The following NKPD1 variants were observed in gnomAD, a reference collection of about 807,000 sequenced individuals.
NKPD1 encodes NTPase KAP family P-loop domain containing 1.
In NKPD1, 37 loss-of-function variants were observed where a neutral mutation model predicts 42.2. The observed-to-expected ratio is 0.88, with a 90% CI of 0.67 to 1.15. NKPD1 has a LOEUF of 1.15. Among genes scored for constraint, NKPD1 ranks in the 50% most tolerant of loss-of-function variants. NKPD1 has a pLI of 0.00. For missense variants in NKPD1, 1,113 were observed against 1,174.6 expected, an observed-to-expected ratio of 0.95 and a Z score of 0.77; for synonymous variants, 552 against 536.5, an observed-to-expected ratio of 1.03 and a Z score of -0.40.
chr19:45,153,083 G>A lies in NKPD1; in HGVS notation c.1354C>T (p.Leu452=), dbSNP rs1968825917. 1 of 1,575,972 alleles carries A rather than the reference G, an allele frequency of 6.3e-7. No homozygotes were observed. Among genetic ancestry groups the A allele is most frequent in the Non-Finnish European group, 8.6e-7 (1 of 1,161,344 alleles). ...CFLEIYQRRR[L]RVVLEVTGLD... ...CCGGTGACCTCCAGCACCACGCGCAGCCTGCGCCGCTGGTAGATCTCCAGG... is the reference window on the plus strand; with the variant it reads ...CCGGTGACCTCCAGCACCACGCGCAACCTGCGCCGCTGGTAGATCTCCAGG... Residue 452 remains leucine, a synonymous_variant, in exon 5 of 5, where the codon CTG becomes TTG. Transcript: ENST00000686631.
In NKPD1 at chr19:45,151,821, G is replaced by T; in HGVS notation, c.*117C>A. On this transcript the variant is annotated 3_prime_UTR_variant, in exon 5 of 5. Transcript: ENST00000686631. ...GGCTCTGGCTCAGGTTCACCTGGGG[G>T]TGTGGGCCTCACAGGGCTCATTCGG... 3.6e-6 allele frequency: 4 copies of T among 1,121,212 alleles called. No individual in the cohort carries two copies. The highest frequency in any genetic ancestry group is 1.9e-5 in the South Asian group (1 of 52,886). 69.5% of individuals were successfully genotyped at this position (1,121,212 alleles called of 1,614,324 possible).
chr19:45,153,880 A>T, intron 4 of NKPD1, 105 bp from the exon 5 acceptor site: 1 of 1,169,950 alleles, frequency 8.5e-7, no homozygotes, highest in South Asian at 2.1e-5. Context: ...AGGGGCGCCC[A>T]GCAGAGGCGA....
At chr19:45,157,142 A>G (rs930516313) in intron 3 of NKPD1, among the ~76,000 whole-genome samples, 2 of 152,100 alleles carry the variant, frequency 1.3e-5, no homozygotes, top group African/African-American at 4.8e-5. Context: ...GATTTTTGCA[A>G]TCTCCTGCTC....
In NKPD1 at chr19:45,160,106, G is replaced by T. The variant is rs1464308471; in HGVS notation, c.45C>A (p.Ser15Arg). 1 of 1,304,992 alleles carries T rather than the reference G, an allele frequency of 7.7e-7. No individual in the cohort carries two copies. The highest frequency in any genetic ancestry group is 1.0e-6 in the Non-Finnish European group (1 of 988,726). The allele number at this position is 1,304,992 out of a possible 1,614,324, so 80.8% of individuals were successfully genotyped here. The change falls in exon 2 of 5, where the codon AGC becomes AGA. Residue 15 changes from serine (S) to arginine (R), a missense_variant. Physicochemically the swap from Ser to Arg is moderately radical, Grantham distance 110 (BLOSUM62 -1). Around this residue, in one of 3 missense-constraint regions of NKPD1, gnomAD observed 204 missense variants for 227.8 expected, o/e 0.90. Transcript: ENST00000686631. The part of the protein sequence containing the change: ...YKVHFAKDAQ[S>R]PNGHYFWDPE... ...GGTCCCAGAAGTAGTGCCCGTTGGG[G>T]CTCTGGGCATCCTTGGCGAAGTGGA...
intron 1 of NKPD1, among the ~76,000 whole-genome samples, chr19:45,160,690 G>A (rs1968988685): frequency 2.0e-5 from 3 of 152,202 alleles, no homozygotes; most frequent in Admixed American, 6.5e-5. Flanking sequence ...ATACGGTGGA[G>A]GGGGAATTGT....
At chr19:45,155,751 A>G in intron 4 of NKPD1, 34 bp downstream of exon 4, 1 of 1,283,286 alleles carries the variant, frequency 7.8e-7, no homozygotes, top group Non-Finnish European at 1.0e-6. Context: ...CCTGTTTCTC[A>G]TCCTCCCCCC....
chr19:45,162,141 A>C (rs540358672), upstream of NKPD1, among the ~76,000 whole-genome samples: 253 of 152,190 alleles, frequency 1.7e-3, 2 homozygotes, highest in African/African-American at 5.6e-3. Context: ...GCGTGGCCCA[A>C]TGTAAATGAG....
Position 45,153,207 on chromosome 19 carries a change from C to T in NKPD1, c.1230G>A (p.Lys410=), listed in dbSNP as rs1333552337. 8.2e-6 allele frequency: 13 copies of T among 1,593,846 alleles called. No homozygotes were observed. The Admixed American group carries it at 2.1e-4, about 26-fold the overall frequency. Residue 410 remains lysine, a synonymous_variant, in exon 5 of 5, where the codon AAG becomes AAA. Coordinates refer to ENST00000686631, the MANE Select transcript of NKPD1 (RefSeq NM_198478.4). Reference sequence around the variant, plus strand: ...TTTCACGCGACACCAGCCGCTCGATCTTCTTGCGCTGGCTTACGAACAGGT... The same window carrying T: ...TTTCACGCGACACCAGCCGCTCGATTTTCTTGCGCTGGCTTACGAACAGGT... ...GKHLFVSQRK[K]IERLVSREKF...
intron 4 of NKPD1, 147 bp from the exon 5 acceptor site, chr19:45,153,922 A>C (rs1968853591): frequency 9.2e-6 from 7 of 764,748 alleles, no homozygotes; most frequent in Non-Finnish European, 1.3e-5. Flanking sequence ...CCGCTCCTTA[A>C]AGAGCTGGAA....
chr19:45,152,636 G>A lies in NKPD1; in HGVS notation c.1801C>T (p.Leu601Phe), dbSNP rs1397799206. The change falls in exon 5 of 5, where the codon CTC becomes TTC. Residue 601 changes from leucine to phenylalanine, a missense_variant. Transcript: ENST00000686631. ...TCGCGCTCGTCGTGAAGGCAGAAGA[G>A]CGCCTCCTGGATTCGCCGCGCCGCC... The part of the protein sequence containing the change: ...DEAARRIQEA[L>F]FCLHDERDCL... 1.9e-6 allele frequency: 3 copies of A among 1,565,584 alleles called. No individual in the cohort carries two copies. In the East Asian group the frequency reaches 7.2e-5, roughly 38 times the overall value.
rs1056862550 is a variant in NKPD1, at chr19:45,159,171, C to T, written c.92-71G>A. The stretch of plus-strand genomic sequence containing the variant: ...CCGGGGGCACCGGCACAAGCCAGAC[C>T]AAGTCTTCAGGTAGAACCTGGGGGC... On this transcript the variant is annotated intron_variant, in intron 2 of 4. Coordinates refer to ENST00000686631, the MANE Select transcript of NKPD1 (RefSeq NM_198478.4). 1.1e-5 allele frequency: 14 copies of T among 1,221,994 alleles called. No individual in the cohort carries two copies. The East Asian group carries it at 8.2e-4, about 72-fold the overall frequency. The allele number at this position is 1,221,994 out of a possible 1,614,324, so 75.7% of individuals were successfully genotyped here. A position where few individuals can be genotyped will look rare whatever the true frequency, so the allele number is the denominator to read the frequency against.
chr19:45,160,342 G>A (rs1254048278), intron 1 of NKPD1, among the ~76,000 whole-genome samples, 121 bp from the exon 2 acceptor site: 2 of 152,228 alleles, frequency 1.3e-5, no homozygotes, highest in South Asian at 2.1e-4. Flanking sequence ...GGGGGTAGAG[G>A]TGGCCTTCAG....
chr19:45,159,046 C>T lies in NKPD1; in HGVS notation c.146G>A (p.Cys49Tyr), dbSNP rs550444656. The T allele has an allele frequency of 7.7e-7, 1 of 1,300,696 alleles. No homozygotes were observed. Among genetic ancestry groups the T allele is most frequent in the South Asian group, 1.2e-5 (1 of 80,622 alleles). 80.6% of individuals were successfully genotyped at this position (1,300,696 alleles called of 1,614,324 possible). The change falls in exon 3 of 5, where the codon TGT becomes TAT. Residue 49 changes from cysteine (C) to tyrosine (Y), a missense_variant. Transcript: ENST00000686631. The part of the protein sequence containing the change: ...DSAALRAHGP[C>Y]RPSPQSHWQL... ...CCAGTGTGATTGGGGGGAAGGCCGACAGGGCCCATGGGCTCGGAGGGCCGC... is the reference window on the plus strand; with the variant it reads ...CCAGTGTGATTGGGGGGAAGGCCGATAGGGCCCATGGGCTCGGAGGGCCGC...
chr19:45,159,663 A>G (rs1386874769), intron 2 of NKPD1, among the ~76,000 whole-genome samples: 1 of 151,964 alleles, frequency 6.6e-6, no homozygotes, highest in Non-Finnish European at 1.5e-5. Flanking sequence ...CCCCCTCCCC[A>G]CCCTGAACAA....
Position 45,155,859 on chromosome 19 carries a change from A to G in NKPD1, c.587T>C (p.Val196Ala), listed in dbSNP as rs1165403758. Reference protein sequence around the residue: ...CSCLAKTLCHVPVPVTVGFYA... With the variant: ...CSCLAKTLCHAPVPVTVGFYA... ...GAAACCCACGGTCACAGGGACCGGC[A>G]CGTGGCAGAGTGTCTTGGCCAGGCA... The change falls in exon 4 of 5, where the codon GTG (valine) becomes GCG (alanine). Residue 196 changes from valine to alanine, a missense_variant. By Grantham distance (64) the Val-to-Ala change is moderately conservative. Transcript: ENST00000686631. 7.7e-7 allele frequency: 1 copy of G among 1,305,412 alleles called. No homozygotes were observed. The allele number at this position is 1,305,412 out of a possible 1,614,324, so 80.9% of individuals were successfully genotyped here.
chr19:45,158,419 C>T lies in NKPD1; in HGVS notation c.529+244G>A, dbSNP rs1344442318. On this transcript the variant is annotated intron_variant, in intron 3 of 4. Coordinates refer to ENST00000686631, the MANE Select transcript of NKPD1 (RefSeq NM_198478.4). The surrounding 1 kb of genome is among the most constrained non-coding windows in gnomAD (Gnocchi z 4.6). ...AGGGAAAGGGGGAAGGAGAGGGAGG[C>T]CTTCACTGCCTGGCGCAGGATGGAG... 6.6e-6 allele frequency among the ~76,000 whole-genome samples: 1 copy of T among 152,232 alleles called. No homozygotes were observed. The highest frequency in any genetic ancestry group is 2.1e-4 in the South Asian group (1 of 4,838).
At chr19:45,160,782 T>C (rs1374772679) in intron 1 of NKPD1, among the ~76,000 whole-genome samples, 143 bp downstream of exon 1, 3 of 151,684 alleles carry the variant, frequency 2.0e-5, no homozygotes, top group East Asian at 3.9e-4. Context: ...GCGTTTCCAA[T>C]GTGAAGAGCC....
chr19:45,153,363 G>A lies in NKPD1; in HGVS notation c.1074C>T (p.Leu358=). The A allele has an allele frequency of 6.4e-7, 1 of 1,568,410 alleles. No homozygotes were observed. Among genetic ancestry groups the A allele is most frequent in the South Asian group, 1.2e-5 (1 of 86,516 alleles). The change falls in exon 5 of 5, where the codon CTC becomes CTT. Residue 358 remains leucine (L), a synonymous_variant. Coordinates refer to ENST00000686631, the MANE Select transcript of NKPD1 (RefSeq NM_198478.4). The stretch of plus-strand genomic sequence containing the variant: ...GCGCGTGGCCGCCCAGTGACAAGTA[G>A]AGCAGCCCCACACCCAGGCCCAGCG... ...LAALGLGVGL[L]YLSLGGHALG...
chr19:45,162,267 A>T (rs942256234), upstream of NKPD1, among the ~76,000 whole-genome samples: 46 of 152,314 alleles, frequency 3.0e-4, 1 homozygote, highest in African/African-American at 1.1e-3. Flanking sequence ...CTGCAGAGGC[A>T]GACACAGGAC....
Sources: allele counts gnomAD v4.1 joint callset (sites outside exome capture counted in the v4.1 genomes callset), GRCh38; gene constraint gnomAD v4.1.1; regional missense constraint gnomAD v4.1.1; non-coding constraint Gnocchi (gnomAD v3.1); transcripts MANE v1.5; gene names NCBI Gene and HGNC (gene_info 2026-07-23, HGNC 2026-07-21).